The following SLC39A8 variants were observed in gnomAD, a reference collection of about 807,000 sequenced individuals.
The protein encoded by SLC39A8 is metal cation symporter ZIP8.
A neutral mutation model predicts 40.4 loss-of-function variants in SLC39A8; 15 were observed. The ratio of observed to expected loss-of-function variants is 0.37; its 90% CI spans 0.25 to 0.57. SLC39A8 has a LOEUF of 0.57. SLC39A8 is among the 20% of genes least tolerant of loss of function. The pLI is 0.75. For synonymous variants in SLC39A8, 223 were observed against 221.6 expected, an observed-to-expected ratio of 1.01 and a Z score of -0.06; for missense variants, 472 against 558.8, an observed-to-expected ratio of 0.84 and a Z score of 1.57.
intron 11 of SLC39A8, among the ~76,000 whole-genome samples, chr4:102,255,778 TA>T (rs1441955437): frequency 6.6e-6 from 1 of 152,196 alleles, no homozygotes; most frequent in Non-Finnish European, 1.5e-5. Context: ...ATGATTTTAA[TA>T]CCACTTTCAC....
Position 102,307,522 on chromosome 4 carries a change from ATTTC to A in SLC39A8, c.462_465del (p.Lys154AsnfsTer8). 1.2e-6 allele frequency: 2 copies of A among 1,613,548 alleles called. No individual in the cohort carries two copies. The highest frequency in any genetic ancestry group is 1.7e-6 in the Non-Finnish European group (2 of 1,179,656). On this transcript the variant is annotated frameshift_variant, in exon 4 of 9. Transcript: ENST00000356736. LOFTEE classifies it high-confidence loss of function. The stretch of plus-strand genomic sequence containing the variant: ...AAGGTCAAAATCTTTGGGAAATAAG[ATTTC>A]TTTATCAGTGGAGTCAAAATCAATC...
At chr4:102,292,817 T>C (rs1733509149) in intron 6 of SLC39A8, among the ~76,000 whole-genome samples, 1 of 152,114 alleles carries the variant, frequency 6.6e-6, no homozygotes, top group Non-Finnish European at 1.5e-5. Flanking sequence ...TAAGATTTAG[T>C]ATTTAATGCA....
chr4:102,278,921 C>T (rs1225419144), intron 6 of SLC39A8, among the ~76,000 whole-genome samples: 42 of 152,020 alleles, frequency 2.8e-4, no homozygotes, highest in Non-Finnish European at 1.3e-4. Flanking sequence ...CGCATGTTCT[C>T]ACTCATAAGT....
intron 6 of SLC39A8, among the ~76,000 whole-genome samples, chr4:102,277,637 T>A (rs928474046): frequency 2.0e-5 from 3 of 152,132 alleles, no homozygotes. Context: ...AAAAACTACT[T>A]TAAATTTCTT....
At chr4:102,332,396 A>T (rs1035197228) in intron 2 of SLC39A8, among the ~76,000 whole-genome samples, 5 of 152,368 alleles carry the variant, frequency 3.3e-5, no homozygotes, top group African/African-American at 1.2e-4. Context: ...TATTTGGCCA[A>T]GAAACATATG....
intron 6 of SLC39A8, among the ~76,000 whole-genome samples, chr4:102,273,469 C>T (rs1162566782): frequency 6.6e-6 from 1 of 152,176 alleles, no homozygotes; most frequent in African/African-American, 2.4e-5. Context: ...GATAAAACTC[C>T]CATCTCCCTG....
At position 102,309,706 on chromosome 4, in the gene SLC39A8, T is replaced by G. The variant is rs765869072; in HGVS notation, c.383-2101A>C. 2.2e-4 allele frequency among the ~76,000 whole-genome samples: 33 copies of G among 152,122 alleles called. 1 individual carries two copies. Among genetic ancestry groups the G allele is most frequent in the Non-Finnish European group, 3.4e-4 (23 of 68,000 alleles). On this transcript the variant is annotated intron_variant, in intron 3 of 8. Coordinates refer to ENST00000356736, the MANE Select transcript of SLC39A8 (RefSeq NM_001135146.2). ...AAGTGCCAATAGAAGCAAAGCCACATGCACATGTTAAACTCATCAGCTTCC... is the reference window on the plus strand; with the variant it reads ...AAGTGCCAATAGAAGCAAAGCCACAGGCACATGTTAAACTCATCAGCTTCC...
At chr4:102,257,375 C>A (rs1731731921), downstream of SLC39A8, among the ~76,000 whole-genome samples, 1 of 152,006 alleles carries the variant, frequency 6.6e-6, no homozygotes, top group Non-Finnish European at 1.5e-5. Context: ...TGAATTCTAT[C>A]TATTTACAGA....
At chr4:102,338,429 G>GC (rs2149056074) in intron 2 of SLC39A8, among the ~76,000 whole-genome samples, 1 of 152,042 alleles carries the variant, frequency 6.6e-6, no homozygotes, top group South Asian at 2.1e-4. Context: ...CTTGTGATCT[G>GC]CCCCCCTCAG....
intron 2 of SLC39A8, among the ~76,000 whole-genome samples, chr4:102,318,884 C>G (rs1216207175): frequency 6.6e-6 from 1 of 152,194 alleles, no homozygotes; most frequent in African/African-American, 2.4e-5. Flanking sequence ...CACTGCTGTT[C>G]TCAAGCATGC....
chr4:102,303,391 T>G (rs1734000411), intron 6 of SLC39A8, among the ~76,000 whole-genome samples: 1 of 151,970 alleles, frequency 6.6e-6, no homozygotes, highest in Non-Finnish European at 1.5e-5. Context: ...GAAGTGATCA[T>G]CTAATTCAAG....
At chr4:102,319,628 C>T (rs1005092042) in intron 2 of SLC39A8, among the ~76,000 whole-genome samples, 4 of 152,196 alleles carry the variant, frequency 2.6e-5, no homozygotes, top group South Asian at 4.2e-4. Flanking sequence ...ACCCCCTCCC[C>T]ACTCCTACCC....
intron 3 of SLC39A8, among the ~76,000 whole-genome samples, chr4:102,309,539 A>G (rs539289075): frequency 1.3e-5 from 2 of 152,216 alleles, no homozygotes; most frequent in Admixed American, 1.3e-4. Context: ...GTAGATCTAC[A>G]TGGAATTTCT....
At chr4:102,286,145 T>A (rs1230272544) in intron 6 of SLC39A8, among the ~76,000 whole-genome samples, 1 of 152,186 alleles carries the variant, frequency 6.6e-6, no homozygotes, top group Non-Finnish European at 1.5e-5. Flanking sequence ...TGACCAGCAA[T>A]AGAATAAGTA....
intron 6 of SLC39A8, among the ~76,000 whole-genome samples, chr4:102,289,788 CT>C (rs1356930752): frequency 1.3e-5 from 2 of 152,122 alleles, no homozygotes; most frequent in Non-Finnish European, 2.9e-5. Context: ...CATGATCAAA[CT>C]TGAATAAATG....
At chr4:102,283,306 A>T (rs1427922214) in intron 6 of SLC39A8, among the ~76,000 whole-genome samples, 2 of 152,214 alleles carry the variant, frequency 1.3e-5, no homozygotes, top group Non-Finnish European at 2.9e-5. Context: ...TTGTGCCCAG[A>T]CTATTTGACT....
chr4:102,312,844 T>C (rs1235272858), intron 3 of SLC39A8, among the ~76,000 whole-genome samples: 1 of 152,142 alleles, frequency 6.6e-6, no homozygotes, highest in Non-Finnish European at 1.5e-5. Context: ...GTTCTCAACA[T>C]AGCTGGAAAA....
chr4:102,291,622 T>C (rs779360694), intron 6 of SLC39A8, among the ~76,000 whole-genome samples: 2 of 151,970 alleles, frequency 1.3e-5, no homozygotes, highest in Non-Finnish European at 2.9e-5. Context: ...GCTAAAAATA[T>C]ACCACCACTC....
chr4:102,278,201 C>T, intron 6 of SLC39A8, among the ~76,000 whole-genome samples: 1 of 152,132 alleles, frequency 6.6e-6, no homozygotes, highest in African/African-American at 2.4e-5. Flanking sequence ...GAACAGGCAA[C>T]CTACAGAATG....
Sources: allele counts gnomAD v4.1 joint callset (sites outside exome capture counted in the v4.1 genomes callset), GRCh38; gene constraint gnomAD v4.1.1; transcripts MANE v1.5; gene names NCBI Gene and HGNC (gene_info 2026-07-23, HGNC 2026-07-21).